The following PDZRN3 variants were observed in gnomAD, a reference collection of about 807,000 sequenced individuals.
PDZRN3 encodes the protein E3 ubiquitin-protein ligase PDZRN3.
In PDZRN3, 38 loss-of-function variants were observed where a neutral mutation model predicts 85.7. The ratio of observed to expected loss-of-function variants is 0.44; its 90% CI spans 0.34 to 0.58. The LOEUF (loss-of-function observed/expected upper bound fraction) is 0.58, where lower values mean the gene tolerates loss of function less well. PDZRN3 is among the 20% of genes least tolerant of loss of function. PDZRN3 has a pLI of 0.01. For synonymous variants in PDZRN3, 759 were observed against 638.0 expected, an observed-to-expected ratio of 1.19 and a Z score of -2.86; for missense variants, 1,629 against 1,506.4, an observed-to-expected ratio of 1.08 and a Z score of -1.35.
rs74845729 is a variant in PDZRN3 at position 73,610,092 on chromosome 3, G to C, written c.724-1408C>G. Among the ~76,000 whole-genome samples the C allele has an allele frequency of 7.5e-3, 1,136 of 152,244 alleles. 12 individuals are homozygous for C. The highest frequency in any genetic ancestry group is 0.026 in the African/African-American group (1,074 of 41,552). On this transcript the variant is annotated intron_variant, in intron 1 of 9. Transcript: ENST00000263666. ...TACAACCAAATTAAAGACATTTTCAGAACTTTCTTGTGAGCCTCAACATCA... is the reference window on the plus strand; with the variant it reads ...TACAACCAAATTAAAGACATTTTCACAACTTTCTTGTGAGCCTCAACATCA...
chr3:73,581,374 A>G (rs1702199861), intron 3 of PDZRN3, among the ~76,000 whole-genome samples: 1 of 152,198 alleles, frequency 6.6e-6, no homozygotes, highest in Admixed American at 6.5e-5. Flanking sequence ...TTGTGTGGGT[A>G]TGTCTGTGTG....
At chr3:73,443,620 G>A (rs1157032971) in intron 3 of PDZRN3, among the ~76,000 whole-genome samples, 1 of 151,500 alleles carries the variant, frequency 6.6e-6, no homozygotes, top group Non-Finnish European at 1.5e-5. Context: ...TGAGTAGCTG[G>A]GACTACAGAT....
intron 3 of PDZRN3, among the ~76,000 whole-genome samples, chr3:73,419,642 C>T (rs1702159870): frequency 6.6e-6 from 1 of 152,086 alleles, no homozygotes; most frequent in Non-Finnish European, 1.5e-5. Context: ...GAGTATGAAG[C>T]TCTCTAAGCT....
intron 3 of PDZRN3, among the ~76,000 whole-genome samples, chr3:73,528,035 G>A (rs1184665129): frequency 1.3e-5 from 2 of 152,204 alleles, no homozygotes; most frequent in East Asian, 1.9e-4. Context: ...TGGACAAATC[G>A]CTCTTGCTGA....
At chr3:73,412,031 GAT>G (rs1270636420) in intron 3 of PDZRN3, among the ~76,000 whole-genome samples, 1 of 152,208 alleles carries the variant, frequency 6.6e-6, no homozygotes, top group Non-Finnish European at 1.5e-5. Context: ...TTTCATTTAA[GAT>G]GCTGGTGGCT....
chr3:73,467,772 A>AT (rs1480785985), intron 3 of PDZRN3, among the ~76,000 whole-genome samples: 1 of 152,124 alleles, frequency 6.6e-6, no homozygotes, highest in African/African-American at 2.4e-5. Context: ...AGCATTACTG[A>AT]TTTTCCATTT....
intron 3 of PDZRN3, among the ~76,000 whole-genome samples, chr3:73,502,456 A>C (rs971065390): frequency 2.0e-5 from 3 of 152,238 alleles, no homozygotes; most frequent in African/African-American, 4.8e-5. Context: ...TGAGTTCTCC[A>C]TAAGTTAAGG....
intron 2 of PDZRN3, 116 bp from the exon 3 acceptor site, chr3:73,602,577 G>C: frequency 1.6e-6 from 1 of 634,206 alleles, no homozygotes; most frequent in East Asian, 2.6e-5. Flanking sequence ...TGGCAATAGG[G>C]TAAAAGGTAT....
chr3:73,433,892 T>G, intron 3 of PDZRN3: 1 of 1,427,704 alleles, frequency 7.0e-7, no homozygotes, highest in Non-Finnish European at 9.1e-7. Flanking sequence ...CACGCTTCCC[T>G]TCCTCCCCTC....
chr3:73,570,727 AT>A (rs1702034110), intron 3 of PDZRN3, among the ~76,000 whole-genome samples: 1 of 152,126 alleles, frequency 6.6e-6, no homozygotes, highest in African/African-American at 2.4e-5. Flanking sequence ...ATGAGCCCCC[AT>A]CCATGTGGCA....
chr3:73,511,838 C>T (rs1195250891), intron 3 of PDZRN3, among the ~76,000 whole-genome samples: 4 of 152,162 alleles, frequency 2.6e-5, no homozygotes, highest in East Asian at 1.9e-4. Context: ...TAAATCACAA[C>T]GGCCCATATT....
At chr3:73,434,656 CT>C (rs1406852715) in intron 3 of PDZRN3, among the ~76,000 whole-genome samples, 1 of 152,186 alleles carries the variant, frequency 6.6e-6, no homozygotes, top group East Asian at 1.9e-4. Context: ...CATATAGATG[CT>C]GCAGATATTT....
At chr3:73,424,564 A>AAAG (rs1702272691) in intron 3 of PDZRN3, among the ~76,000 whole-genome samples, 1 of 139,406 alleles carries the variant, frequency 7.2e-6, no homozygotes, top group South Asian at 2.3e-4. Context: ...AAAAAAAAAA[A>AAAG]GAATATGCAA....
Position 73,554,460 on chromosome 3 carries a change from C to T in PDZRN3, c.918+47894G>A, listed in dbSNP as rs149361997. ...CGCTTGCTGCTGTCATCATCGTCAT[C>T]GACATCATCATCATCATCACTCTTC... is the stretch of plus-strand genomic sequence containing the variant. On this transcript the variant is annotated intron_variant, in intron 3 of 9. Coordinates refer to ENST00000263666, the MANE Select transcript of PDZRN3 (RefSeq NM_015009.3). Among the ~76,000 whole-genome samples, 667 of 152,004 alleles carry T rather than the reference C, an allele frequency of 4.4e-3. 3 individuals are homozygous for T. Among genetic ancestry groups the T allele is most frequent in the East Asian group, 7.0e-3 (36 of 5,162 alleles).
At chr3:73,540,087 G>GAAAAA (rs1168662549) in intron 3 of PDZRN3, among the ~76,000 whole-genome samples, 11 of 50,038 alleles carry the variant, frequency 2.2e-4, no homozygotes, top group Admixed American at 3.0e-4. Context: ...ACTGTTGGAT[G>GAAAAA]AAAAAAAAAA....
chr3:73,569,942 G>A (rs1159314864), intron 3 of PDZRN3, among the ~76,000 whole-genome samples: 5 of 152,188 alleles, frequency 3.3e-5, no homozygotes, highest in Non-Finnish European at 7.3e-5. Flanking sequence ...AAAGGCAGGA[G>A]GCAGACAGGA....
chr3:73,622,598 G>T (rs776142483), intron 1 of PDZRN3, among the ~76,000 whole-genome samples: 12 of 152,180 alleles, frequency 7.9e-5, no homozygotes, highest in Admixed American at 2.0e-4. Context: ...ACTTGGGAGG[G>T]AGGCCAAGAA....
At chr3:73,604,120 C>G (rs907189593) in intron 2 of PDZRN3, among the ~76,000 whole-genome samples, 4 of 152,200 alleles carry the variant, frequency 2.6e-5, no homozygotes, top group Non-Finnish European at 4.4e-5. Context: ...TGCCTAGCAT[C>G]ACAGTGCTCT....
intron 3 of PDZRN3, among the ~76,000 whole-genome samples, chr3:73,562,996 TATATATATATATATATA>T (rs1181980754): frequency 9.9e-5 from 3 of 30,438 alleles, no homozygotes; most frequent in Admixed American, 4.2e-4. Flanking sequence ...TATATATATA[TATATATATATATATATA>T]TTTTTTTTTT....
Sources: allele counts gnomAD v4.1 joint callset (sites outside exome capture counted in the v4.1 genomes callset), GRCh38; gene constraint gnomAD v4.1.1; transcripts MANE v1.5; gene names NCBI Gene and HGNC (gene_info 2026-07-23, HGNC 2026-07-21).